SGCD: variants seen among roughly 807,000 people sequenced by gnomAD.
The protein encoded by SGCD is delta-sarcoglycan.
A neutral mutation model predicts 36.6 loss-of-function variants in SGCD; 18 were observed. The observed-to-expected ratio is 0.49, with a 90% confidence interval of 0.34 to 0.73. SGCD has a LOEUF of 0.73. Among genes scored for constraint, SGCD ranks in the 30% least tolerant of loss-of-function variants. The pLI is 0.01. For missense variants in SGCD, 387 were observed against 346.7 expected, an observed-to-expected ratio of 1.12 and a Z score of -0.92; for synonymous variants, 133 against 130.6, an observed-to-expected ratio of 1.02 and a Z score of -0.12.
At chr5:156,736,287 G>A (rs1313461396) in intron 7 of SGCD, among the ~76,000 whole-genome samples, 1 of 152,160 alleles carries the variant, frequency 6.6e-6, no homozygotes, top group South Asian at 2.1e-4. Flanking sequence ...CTTTATTGCA[G>A]TTTTGTTCAT....
chr5:155,769,685 C>A, the SGCD span, among the ~76,000 whole-genome samples: 7 of 152,170 alleles, frequency 4.6e-5, no homozygotes, highest in African/African-American at 1.7e-4. Flanking sequence ...ATCCAACTAG[C>A]CTCAAAGTAT....
intron 3 of SGCD, among the ~76,000 whole-genome samples, chr5:156,376,377 C>T (rs1770670306): frequency 6.6e-6 from 1 of 152,190 alleles, no homozygotes; most frequent in South Asian, 2.1e-4. Context: ...GGAAGAGGGG[C>T]TAGGAAGTGC....
intron 3 of SGCD, among the ~76,000 whole-genome samples, chr5:156,309,601 ATTTT>A (rs3043458): frequency 2.5e-5 from 3 of 121,120 alleles, no homozygotes; most frequent in Admixed American, 8.5e-5. Flanking sequence ...ATCTTTGAGC[ATTTT>A]TTTTTTTTTT....
At chr5:156,637,600 T>C (rs1762877761) in intron 6 of SGCD, among the ~76,000 whole-genome samples, 1 of 152,160 alleles carries the variant, frequency 6.6e-6, no homozygotes, top group Non-Finnish European at 1.5e-5. Flanking sequence ...CAAAGTCATG[T>C]CATATGTCCA....
the SGCD span, among the ~76,000 whole-genome samples, chr5:155,785,102 TA>T: frequency 6.6e-6 from 1 of 152,078 alleles, no homozygotes; most frequent in Non-Finnish European, 1.5e-5. Flanking sequence ...ACGGTGTTCA[TA>T]GCAAAACTCT....
the SGCD span, among the ~76,000 whole-genome samples, chr5:155,819,727 G>C: frequency 2.4e-4 from 36 of 152,038 alleles, no homozygotes; most frequent in Non-Finnish European, 4.9e-4. Flanking sequence ...TTTTCTGAAG[G>C]GTCTCCGGAG....
At chr5:156,240,092 T>A (rs1022675955) in intron 3 of SGCD, among the ~76,000 whole-genome samples, 5 of 152,188 alleles carry the variant, frequency 3.3e-5, no homozygotes, top group Non-Finnish European at 7.4e-5. Context: ...GTGCTTTTGA[T>A]GTGTGCTAAT....
the SGCD span, among the ~76,000 whole-genome samples, chr5:155,751,586 G>A: frequency 6.6e-6 from 1 of 151,808 alleles, no homozygotes; most frequent in Non-Finnish European, 1.5e-5. Context: ...ATGGGGCTTT[G>A]CCATGTTGCC....
chr5:155,766,486 A>G, the SGCD span, among the ~76,000 whole-genome samples: 2 of 152,136 alleles, frequency 1.3e-5, no homozygotes, highest in Non-Finnish European at 2.9e-5. Flanking sequence ...CAAATCCAAT[A>G]TTGAGTGAGA....
chr5:155,825,523 G>A, the SGCD span, among the ~76,000 whole-genome samples: 2 of 152,094 alleles, frequency 1.3e-5, no homozygotes, highest in Non-Finnish European at 2.9e-5. Context: ...CTTGTACTTC[G>A]TCTCCATATG....
intron 3 of SGCD, among the ~76,000 whole-genome samples, chr5:156,414,935 C>T (rs1772948177): frequency 6.6e-6 from 1 of 152,168 alleles, no homozygotes; most frequent in Non-Finnish European, 1.5e-5. Context: ...TTCTAGGTAG[C>T]TTAGTCCTAA....
chr5:156,530,228 A>G (rs1473558949), intron 4 of SGCD, among the ~76,000 whole-genome samples: 4 of 152,208 alleles, frequency 2.6e-5, no homozygotes, highest in South Asian at 2.1e-4. Context: ...GTTTTCCACC[A>G]CCAAGCTGTG....
At chr5:156,595,647 A>T (rs1760896517) in intron 6 of SGCD, among the ~76,000 whole-genome samples, 1 of 152,232 alleles carries the variant, frequency 6.6e-6, no homozygotes, top group African/African-American at 2.4e-5. Context: ...AAGAAGTCTC[A>T]TTTAGAACAT....
At chr5:156,487,736 C>T (rs1278745625) in intron 3 of SGCD, among the ~76,000 whole-genome samples, 4 of 134,078 alleles carry the variant, frequency 3.0e-5, no homozygotes, top group Admixed American at 1.7e-4. Context: ...TGCAGTGAGC[C>T]GAGATTGCAC....
intron 6 of SGCD, among the ~76,000 whole-genome samples, chr5:156,597,307 A>C (rs188571182): frequency 8.9e-4 from 136 of 152,318 alleles, no homozygotes; most frequent in Non-Finnish European, 1.7e-3. Context: ...CCTGCTAATA[A>C]AGACATACCC....
At chr5:156,670,404 G>C (rs1262025862) in intron 7 of SGCD, among the ~76,000 whole-genome samples, 1 of 152,188 alleles carries the variant, frequency 6.6e-6, no homozygotes. Context: ...TATGGAAAGT[G>C]TGTGGGGTAT....
chr5:156,587,670 A>G (rs537957689), intron 4 of SGCD, among the ~76,000 whole-genome samples: 85 of 152,170 alleles, frequency 5.6e-4, no homozygotes, highest in Middle Eastern at 3.4e-3. Flanking sequence ...ACAGCCCACA[A>G]TTTTCTTACC....
intron 3 of SGCD, among the ~76,000 whole-genome samples, chr5:156,147,253 G>T (rs140349972): frequency 6.6e-6 from 1 of 152,274 alleles, no homozygotes; most frequent in African/African-American, 2.4e-5. Flanking sequence ...TCATGAACTA[G>T]TAAATAGCAA....
intron 4 of SGCD, among the ~76,000 whole-genome samples, chr5:156,576,008 T>G (rs895181500): frequency 1.3e-5 from 2 of 152,210 alleles, no homozygotes; most frequent in South Asian, 4.1e-4. Context: ...CTGTGCCATG[T>G]TGGTGTGCTG....
Sources: gnomAD v4.1 joint callset for allele counts (sites outside exome capture counted in the v4.1 genomes callset) on GRCh38, gnomAD v4.1.1 for gene constraint, MANE v1.5 for transcripts, NCBI Gene and HGNC (gene_info 2026-07-23, HGNC 2026-07-21) for gene names.